BANK1: variants seen among roughly 807,000 people sequenced by gnomAD.
BANK1 encodes B-cell scaffold protein with ankyrin repeats.
In BANK1, 95 loss-of-function variants were observed where a neutral mutation model predicts 94.5. The observed-to-expected ratio is 1.00, with a 90% confidence interval of 0.85 to 1.19. BANK1 has a LOEUF of 1.19. Among genes scored for constraint, BANK1 ranks in the 50% most tolerant of loss-of-function variants. BANK1 has a pLI of 0.00. For synonymous variants in BANK1, 334 were observed against 308.4 expected (o/e 1.08, Z -0.87); for missense variants, 987 against 932.2 (o/e 1.06, Z -0.77).
chr4:101,889,793 T>C (rs1012744829), intron 5 of BANK1, among the ~76,000 whole-genome samples: 3 of 152,088 alleles, frequency 2.0e-5, no homozygotes, highest in Non-Finnish European at 2.9e-5. Context: ...ACTTTCTCTC[T>C]TTTCCAATGT....
At chr4:101,995,588 C>T (rs1358644436) in intron 7 of BANK1, among the ~76,000 whole-genome samples, 1 of 152,270 alleles carries the variant, frequency 6.6e-6, no homozygotes, top group South Asian at 2.1e-4. Context: ...CCTATTTCTC[C>T]ACATCCTCTC....
intron 7 of BANK1, among the ~76,000 whole-genome samples, chr4:101,934,580 C>CA (rs1356265715): frequency 6.6e-6 from 1 of 151,414 alleles, no homozygotes; most frequent in Non-Finnish European, 1.5e-5. Context: ...TCATTTCTGT[C>CA]AAAACAAGAC....
chr4:101,856,812 A>G (rs1727696421), intron 3 of BANK1, among the ~76,000 whole-genome samples: 1 of 152,140 alleles, frequency 6.6e-6, no homozygotes, highest in Non-Finnish European at 1.5e-5. Flanking sequence ...TCAATATAAA[A>G]TTTCTTTTAG....
At chr4:101,907,854 T>C (rs1329217305) in intron 6 of BANK1, among the ~76,000 whole-genome samples, 2 of 152,294 alleles carry the variant, frequency 1.3e-5, no homozygotes, top group East Asian at 3.9e-4. Context: ...ACAAGGGATG[T>C]GAAGGACCTC....
intron 6 of BANK1, among the ~76,000 whole-genome samples, chr4:101,907,066 T>C (rs1021327586): frequency 6.6e-6 from 1 of 152,182 alleles, no homozygotes; most frequent in Non-Finnish European, 1.5e-5. Context: ...AAAGTATCCC[T>C]TATGGGAAAC....
chr4:101,807,915 T>C (rs774744422), intron 1 of BANK1, among the ~76,000 whole-genome samples: 40 of 150,868 alleles, frequency 2.7e-4, no homozygotes, highest in Non-Finnish European at 5.9e-4. Context: ...ACCCCGTCTC[T>C]ACTAAAAATA....
At chr4:101,839,257 A>G (rs1181657626) in intron 2 of BANK1, among the ~76,000 whole-genome samples, 2 of 152,128 alleles carry the variant, frequency 1.3e-5, no homozygotes, top group Non-Finnish European at 2.9e-5. Flanking sequence ...TATAAGTTGC[A>G]TAATAGAAGG....
At chr4:101,905,962 C>T (rs1324210071) in intron 6 of BANK1, among the ~76,000 whole-genome samples, 1 of 152,168 alleles carries the variant, frequency 6.6e-6, no homozygotes, top group African/African-American at 2.4e-5. Context: ...TTTTCCCAAG[C>T]TCTAATGCAC....
In BANK1 at chr4:102,063,171, T is replaced by C. The variant is rs372746553; in HGVS notation, c.2212+33T>C. 55 of 1,569,350 alleles carry C rather than the reference T, an allele frequency of 3.5e-5. No homozygotes were observed. In the Admixed American group the frequency reaches 4.0e-4, roughly 11 times the overall value. ...AGATTCGCCTGCTATTCAAAAATAA[T>C]AGAGTGATTACGTTGAAAATTCAAG... On this transcript the variant is annotated intron_variant, in intron 13 of 16. Transcript: ENST00000322953.
At chr4:102,034,429 A>G (rs1333985037) in intron 10 of BANK1, among the ~76,000 whole-genome samples, 1 of 152,198 alleles carries the variant, frequency 6.6e-6, no homozygotes, top group Non-Finnish European at 1.5e-5. Flanking sequence ...TATTTCAAAG[A>G]TTTTTAATCT....
intron 5 of BANK1, among the ~76,000 whole-genome samples, chr4:101,887,569 T>A (rs1728900707): frequency 6.6e-6 from 1 of 152,164 alleles, no homozygotes; most frequent in South Asian, 2.1e-4. Flanking sequence ...TTCTAAAAAA[T>A]TCTGTCAGTT....
At chr4:102,001,415 C>T (rs756111189) in intron 7 of BANK1, among the ~76,000 whole-genome samples, 5 of 152,158 alleles carry the variant, frequency 3.3e-5, no homozygotes, top group East Asian at 1.9e-4. Flanking sequence ...TCTTGGCCAA[C>T]GTGGTGAAAC....
At chr4:101,986,801 G>GTA (rs1282476318) in intron 7 of BANK1, among the ~76,000 whole-genome samples, 4 of 84,554 alleles carry the variant, frequency 4.7e-5, no homozygotes, top group African/African-American at 1.4e-4. Context: ...ATATATATGT[G>GTA]TATATATATG....
In BANK1 at chr4:101,917,946, G is replaced by T. The variant is rs780830253; in HGVS notation, c.1010-47G>T. On this transcript the variant is annotated intron_variant, in intron 6 of 16. Transcript: ENST00000322953. Reference sequence around the variant, plus strand: ...TTGTGTTAGACCTTTTAATGAGATTGCCAATAAAATGAAAACATTAAATCC... The same window carrying T: ...TTGTGTTAGACCTTTTAATGAGATTTCCAATAAAATGAAAACATTAAATCC... 3 of 1,372,098 alleles carry T rather than the reference G, an allele frequency of 2.2e-6. No homozygotes were observed. In the South Asian group the frequency reaches 4.2e-5, roughly 19 times the overall value. The allele number at this position is 1,372,098 out of a possible 1,614,324, so 85.0% of individuals were successfully genotyped here.
At chr4:101,817,234 T>A (rs1725952943) in intron 1 of BANK1, among the ~76,000 whole-genome samples, 1 of 152,166 alleles carries the variant, frequency 6.6e-6, no homozygotes, top group African/African-American at 2.4e-5. Flanking sequence ...ATATTTTATG[T>A]TCATCGCAGC....
intron 7 of BANK1, among the ~76,000 whole-genome samples, chr4:101,923,663 A>T (rs1723069210): frequency 6.6e-6 from 1 of 151,874 alleles, no homozygotes; most frequent in South Asian, 2.1e-4. Context: ...AAGAAAATTT[A>T]TAAACAGGAT....
At chr4:101,842,116 G>C (rs202117819) in intron 2 of BANK1, among the ~76,000 whole-genome samples, 1 of 152,066 alleles carries the variant, frequency 6.6e-6, no homozygotes, top group Admixed American at 6.5e-5. Flanking sequence ...CTCAAACATT[G>C]TTATTTGACA....
chr4:102,029,057 C>T (rs911467009), intron 9 of BANK1, among the ~76,000 whole-genome samples: 2 of 152,094 alleles, frequency 1.3e-5, no homozygotes, highest in African/African-American at 2.4e-5. Context: ...TAGGAGTACT[C>T]GCCACCTAGC....
intron 2 of BANK1, among the ~76,000 whole-genome samples, chr4:101,847,380 A>G (rs1727290071): frequency 6.6e-6 from 1 of 151,446 alleles, no homozygotes; most frequent in Non-Finnish European, 1.5e-5. Context: ...AGTTTTTTTT[A>G]CTATTATTAT....
Sources: gnomAD v4.1 joint callset for allele counts (sites outside exome capture counted in the v4.1 genomes callset) on GRCh38, gnomAD v4.1.1 for gene constraint, MANE v1.5 for transcripts, NCBI Gene and HGNC (gene_info 2026-07-23, HGNC 2026-07-21) for gene names.